MALRD1: variants seen among roughly 807,000 people sequenced by gnomAD.
MALRD1 encodes the protein MAM and LDL receptor class A domain containing 1.
MALRD1 carries 247 observed loss-of-function variants against 242.1 expected under a neutral mutation model. The observed-to-expected ratio is 1.02, with a 90% CI of 0.92 to 1.13. The LOEUF (loss-of-function observed/expected upper bound fraction) is 1.13, where lower values mean the gene tolerates loss of function less well. Ranked by LOEUF, MALRD1 falls within the 50% of genes most tolerant of loss-of-function variation. The pLI is 0.00. For missense variants in MALRD1, 2,989 were observed against 2,533.1 expected (o/e 1.18, Z -3.86); for synonymous variants, 995 against 866.6 (o/e 1.15, Z -2.60).
At chr10:19,353,324 C>T (rs1040310382) in intron 26 of MALRD1, among the ~76,000 whole-genome samples, 11 of 151,978 alleles carry the variant, frequency 7.2e-5, no homozygotes, top group African/African-American at 2.7e-4. Flanking sequence ...ATTTTTTAAA[C>T]CATGAGTTTA....
intron 36 of MALRD1, among the ~76,000 whole-genome samples, chr10:19,655,604 A>G (rs1380421038): frequency 2.0e-5 from 3 of 148,236 alleles, no homozygotes; most frequent in Non-Finnish European, 4.5e-5. Context: ...CTAATTATAC[A>G]TGAAATATAA....
chr10:19,271,046 A>G (rs1419181061), intron 19 of MALRD1, among the ~76,000 whole-genome samples: 1 of 152,212 alleles, frequency 6.6e-6, no homozygotes, highest in Non-Finnish European at 1.5e-5. Context: ...GCTGGGAAGT[A>G]TAGAATTACT....
At chr10:19,589,780 C>A (rs1349412130) in intron 33 of MALRD1, among the ~76,000 whole-genome samples, 5 of 152,150 alleles carry the variant, frequency 3.3e-5, no homozygotes, top group Non-Finnish European at 7.3e-5. Flanking sequence ...TTTTGTACAT[C>A]CCTTCATCCT....
chr10:19,587,878 G>A (rs76897157), intron 33 of MALRD1, among the ~76,000 whole-genome samples: 2,727 of 148,900 alleles, frequency 0.018, 40 homozygotes, highest in East Asian at 0.037. Context: ...TCAAAGTTCC[G>A]AAATGCCAGT....
intron 38 of MALRD1, among the ~76,000 whole-genome samples, chr10:19,717,884 G>A (rs1834462205): frequency 6.6e-6 from 1 of 152,002 alleles, no homozygotes; most frequent in East Asian, 1.9e-4. Flanking sequence ...AGGCATGGTG[G>A]TGCACACTTG....
chr10:19,095,039 G>T (rs66560150), intron 4 of MALRD1, among the ~76,000 whole-genome samples: 10,033 of 151,960 alleles, frequency 0.066, 504 homozygotes, highest in East Asian at 0.27. Flanking sequence ...ACCCAAGTTG[G>T]TTTTTTTATC....
intron 18 of MALRD1, among the ~76,000 whole-genome samples, chr10:19,224,300 T>C (rs577818651): frequency 1.6e-3 from 246 of 150,682 alleles, no homozygotes; most frequent in African/African-American, 5.8e-3. Context: ...TTTTTTTTTT[T>C]TTCTTCGAGA....
chr10:19,505,706 G>A (rs1289215071), intron 31 of MALRD1, among the ~76,000 whole-genome samples: 3 of 152,206 alleles, frequency 2.0e-5, no homozygotes, highest in Non-Finnish European at 4.4e-5. Context: ...AATTGGCCCT[G>A]CTTCTCACAT....
At chr10:19,649,204 T>TC (rs1840766834) in intron 36 of MALRD1, among the ~76,000 whole-genome samples, 1 of 152,122 alleles carries the variant, frequency 6.6e-6, no homozygotes, top group Non-Finnish European at 1.5e-5. Flanking sequence ...ACATTCATGT[T>TC]TATGTGTCTT....
At chr10:19,612,853 C>T (rs575332961) in intron 35 of MALRD1, among the ~76,000 whole-genome samples, 7 of 151,952 alleles carry the variant, frequency 4.6e-5, no homozygotes, top group African/African-American at 1.7e-4. Flanking sequence ...TATTAGAAAC[C>T]ACTCCCATGA....
At chr10:19,655,365 C>T (rs1841092476) in intron 36 of MALRD1, among the ~76,000 whole-genome samples, 1 of 151,348 alleles carries the variant, frequency 6.6e-6, no homozygotes, top group South Asian at 2.1e-4. Context: ...CATTTCTGGC[C>T]CCAATTTCTC....
At chr10:19,127,778 A>G (rs1217087877) in intron 7 of MALRD1, among the ~76,000 whole-genome samples, 1 of 152,082 alleles carries the variant, frequency 6.6e-6, no homozygotes, top group African/African-American at 2.4e-5. Flanking sequence ...TTTAAGTTGT[A>G]TTTCCTAAAA....
At chr10:19,430,054 C>T (rs937145315) in intron 28 of MALRD1, among the ~76,000 whole-genome samples, 6 of 151,804 alleles carry the variant, frequency 4.0e-5, no homozygotes, top group Admixed American at 6.6e-5. Flanking sequence ...CTTCCATACT[C>T]CAGTGCCTTC....
intron 2 of MALRD1, among the ~76,000 whole-genome samples, chr10:19,077,627 G>A (rs1433861368): frequency 6.6e-6 from 1 of 151,838 alleles, no homozygotes; most frequent in Non-Finnish European, 1.5e-5. Context: ...TGAAGTGCTT[G>A]TTTTTACAGT....
At chr10:19,212,023 C>T (rs1588704223) in intron 18 of MALRD1, among the ~76,000 whole-genome samples, 1 of 152,122 alleles carries the variant, frequency 6.6e-6, no homozygotes, top group Admixed American at 6.5e-5. Flanking sequence ...AATAATCAGC[C>T]AATGCTTTCA....
At chr10:19,149,617 T>C (rs1833866273) in intron 11 of MALRD1, among the ~76,000 whole-genome samples, 1 of 152,174 alleles carries the variant, frequency 6.6e-6, no homozygotes, top group South Asian at 2.1e-4. Context: ...GTCCCTATCT[T>C]CTTACTAAAG....
intron 1 of MALRD1, among the ~76,000 whole-genome samples, chr10:19,059,239 A>C (rs560920640): frequency 6.6e-6 from 1 of 152,328 alleles, no homozygotes; most frequent in East Asian, 1.9e-4. Flanking sequence ...TTACCCATCA[A>C]TATATGCATT....
At position 19,209,369 on chromosome 10, in the gene MALRD1, C is replaced by T. The variant is rs942675825; in HGVS notation, c.2680C>T (p.Leu894Phe). The T allele has an allele frequency of 1.9e-6, 3 of 1,550,932 alleles. No individual in the cohort carries two copies. Among genetic ancestry groups the T allele is most frequent in the Non-Finnish European group, 2.6e-6 (3 of 1,147,078 alleles). Residue 894 changes from leucine to phenylalanine, a missense_variant, in exon 18 of 40, where the codon CTT becomes TTT. By Grantham distance (22) the Leu-to-Phe change is conservative. Coordinates refer to ENST00000454679, the MANE Select transcript of MALRD1 (RefSeq NM_001142308.3). ...WTRSQGPTPT[L>F]NTGPMKDNTL... ...CAGGAGCCAGGGTCCAACTCCAACA[C>T]TTAACACAGGGCCAATGAAAGATAA...
At chr10:19,117,310 C>G (rs12267708) in intron 5 of MALRD1, among the ~76,000 whole-genome samples, 2 of 152,088 alleles carry the variant, frequency 1.3e-5, no homozygotes, top group African/African-American at 2.4e-5. Context: ...GTTGTAAATT[C>G]CAGTTTTCAG....
Sources: allele counts gnomAD v4.1 joint callset (sites outside exome capture counted in the v4.1 genomes callset), GRCh38; gene constraint gnomAD v4.1.1; transcripts MANE v1.5; gene names NCBI Gene and HGNC (gene_info 2026-07-23, HGNC 2026-07-21).